Variants in CARS2 observed in about 807,000 individuals in gnomAD.
CARS2 encodes probable cysteine--tRNA ligase, mitochondrial.
CARS2 carries 52 observed loss-of-function variants against 68.8 expected under a neutral mutation model. The ratio of observed to expected loss-of-function variants is 0.76; its 90% confidence interval spans 0.61 to 0.95. The LOEUF (loss-of-function observed/expected upper bound fraction) is 0.95. Ranked by LOEUF, CARS2 falls within the 40% of genes least tolerant of loss-of-function variation. CARS2 has a pLI of 0.00. For synonymous variants in CARS2, 314 were observed against 303.6 expected, an observed-to-expected ratio of 1.03 and a Z score of -0.36; for missense variants, 780 against 754.2, an observed-to-expected ratio of 1.03 and a Z score of -0.40.
At chr13:110,689,393 G>T (rs541620449) in intron 3 of CARS2, among the ~76,000 whole-genome samples, 1 of 152,182 alleles carries the variant, frequency 6.6e-6, no homozygotes, top group Non-Finnish European at 1.5e-5. Context: ...TTTCTCAAGC[G>T]CAACGCCACA....
At chr13:110,682,862 C>G (rs766387485) in intron 6 of CARS2, among the ~76,000 whole-genome samples, 189 bp downstream of exon 6, 48 of 152,142 alleles carry the variant, frequency 3.2e-4, no homozygotes, top group Non-Finnish European at 5.9e-4. Flanking sequence ...CCCCACTTGC[C>G]GTTTGAACTA....
upstream of CARS2, among the ~76,000 whole-genome samples, chr13:110,709,790 C>T (rs953126709): frequency 2.0e-5 from 3 of 151,958 alleles, no homozygotes; most frequent in South Asian, 2.1e-4. Flanking sequence ...AGAACCCTGA[C>T]TAATACACCA....
upstream of CARS2, among the ~76,000 whole-genome samples, chr13:110,710,305 C>G (rs193235737): frequency 7.5e-3 from 1,138 of 152,232 alleles, 9 homozygotes; most frequent in African/African-American, 0.026. Flanking sequence ...TCGCTTGAAC[C>G]CGGGAGGCGG....
intron 5 of CARS2, 89 bp downstream of exon 5, chr13:110,687,632 T>A: frequency 1.3e-6 from 1 of 765,704 alleles, no homozygotes; most frequent in Non-Finnish European, 2.1e-6. Flanking sequence ...TGAGCTGAGA[T>A]AGCACCACTG....
intron 3 of CARS2, among the ~76,000 whole-genome samples, chr13:110,689,343 T>A (rs1392651467): frequency 6.6e-6 from 1 of 152,172 alleles, no homozygotes; most frequent in African/African-American, 2.4e-5. Context: ...TCTCCCCATT[T>A]CACAGGTGAA....
chr13:110,712,820 G>T (rs780232801), intron 1 of CARS2: 1 of 862,286 alleles, frequency 1.2e-6, no homozygotes, highest in Middle Eastern at 2.1e-4. Context: ...CCTCTTCTGG[G>T]GCTCGGCACT....
chr13:110,642,537 C>T lies in CARS2; in HGVS notation c.1417-16G>A, dbSNP rs375781277. 6.0e-5 allele frequency: 97 copies of T among 1,607,962 alleles called. No homozygotes were observed. Among genetic ancestry groups the T allele is most frequent in the Non-Finnish European group, 7.2e-5 (85 of 1,177,344 alleles). On this transcript the variant is annotated splice_polypyrimidine_tract_variant and intron_variant, in intron 13 of 14. Transcript: ENST00000257347. ...CTGAAACGTACTGAAGCCAGCAGGGCGCGGTTACGTCCCCCGGAGACTGTG... is the reference window on the plus strand; with the variant it reads ...CTGAAACGTACTGAAGCCAGCAGGGTGCGGTTACGTCCCCCGGAGACTGTG...
rs190122861 is a variant in CARS2, at chr13:110,668,211, G to T, written c.786-738C>A. ...GGAGGTCTCGAGCCTGGGGAAACAG[G>T]CATCACAGAAACACACGCTGTAGTG... On this transcript the variant is annotated intron_variant, in intron 7 of 14. Coordinates refer to ENST00000257347, the MANE Select transcript of CARS2 (RefSeq NM_024537.4). This position sits in a 1 kb window ranked among gnomAD's most constrained non-coding sequence, Gnocchi z 4.1. Among the ~76,000 whole-genome samples the T allele has an allele frequency of 6.6e-6, 1 of 152,216 alleles. No individual in the cohort carries two copies. Among genetic ancestry groups the T allele is most frequent in the South Asian group, 2.1e-4 (1 of 4,836 alleles).
chr13:110,652,658 T>G (rs1262539903), intron 9 of CARS2, among the ~76,000 whole-genome samples: 1 of 152,138 alleles, frequency 6.6e-6, no homozygotes, highest in African/African-American at 2.4e-5. Context: ...ACAGCCCAAC[T>G]CCTGTCTGCC....
chr13:110,667,164 G>A (rs1257634197), intron 8 of CARS2, among the ~76,000 whole-genome samples, 176 bp downstream of exon 8: 1 of 152,158 alleles, frequency 6.6e-6, no homozygotes, highest in African/African-American at 2.4e-5. Flanking sequence ...AATCATTGCT[G>A]CAATCCAAGG....
At chr13:110,701,327 G>A in intron 3 of CARS2, 111 bp downstream of exon 3, 1 of 649,860 alleles carries the variant, frequency 1.5e-6, no homozygotes, top group Non-Finnish European at 2.8e-6. Flanking sequence ...GCCTCCCAAA[G>A]TGCTGGGATT....
intron 13 of CARS2, 155 bp from the exon 14 acceptor site, chr13:110,642,676 G>C (rs1887541280): frequency 1.2e-6 from 1 of 801,830 alleles, no homozygotes; most frequent in Non-Finnish European, 2.2e-6. Context: ...GGCAGGGATG[G>C]GTACAGCCCG....
At position 110,642,439 on chromosome 13, in the gene CARS2, A is replaced by C; in HGVS notation, c.1499T>G (p.Phe500Cys). The C allele has an allele frequency of 6.2e-7, 1 of 1,607,008 alleles. No homozygotes were observed. Among genetic ancestry groups the C allele is most frequent in the Non-Finnish European group, 8.5e-7 (1 of 1,177,226 alleles). ...LVRFRQKVRQ[F>C]ALAMPEATGD... ...CGTGGCCTCGGGCATGGCCAGCGCAAACTGCCGGACCTTCTGCCGGAACCG... is the reference window on the plus strand; with the variant it reads ...CGTGGCCTCGGGCATGGCCAGCGCACACTGCCGGACCTTCTGCCGGAACCG... Residue 500 changes from phenylalanine (F) to cysteine (C), a missense_variant, in exon 14 of 15, where the codon TTT becomes TGT. By Grantham distance (205) the Phe-to-Cys change is radical. Transcript: ENST00000257347.
Position 110,642,540 on chromosome 13 carries a change from G to A in CARS2, c.1417-19C>T, listed in dbSNP as rs371859424. On this transcript the variant is annotated intron_variant, in intron 13 of 14. Coordinates refer to ENST00000257347, the MANE Select transcript of CARS2 (RefSeq NM_024537.4). ...AAACGTACTGAAGCCAGCAGGGCGC[G>A]GTTACGTCCCCCGGAGACTGTGGAT... is the stretch of plus-strand genomic sequence containing the variant. The A allele has an allele frequency of 3.3e-5, 53 of 1,606,794 alleles. No homozygotes were observed. The highest frequency in any genetic ancestry group is 4.4e-5 in the South Asian group (4 of 90,100).
intron 10 of CARS2, 89 bp from the exon 11 acceptor site, chr13:110,647,328 T>C: frequency 6.7e-7 from 1 of 1,491,956 alleles, no homozygotes; most frequent in African/African-American, 1.4e-5. Context: ...CTGAGGGCAC[T>C]GCCACCCAGG....
rs896154385 is a variant in CARS2, at chr13:110,713,320, C to G, written n.216G>C. 5.2e-6 allele frequency: 6 copies of G among 1,154,078 alleles called. No individual in the cohort carries two copies. In the African/African-American group the frequency reaches 6.4e-5, roughly 12 times the overall value. The allele number at this position is 1,154,078 out of a possible 1,614,324, so 71.5% of individuals were successfully genotyped here. A position where few individuals can be genotyped will look rare whatever the true frequency, so the allele number is the denominator to read the frequency against. ...CTGTGTACCATGGTCTCGGAGGTTT[C>G]TGTCCCGCGGCCCGTTAGGTCCTGG... is the stretch of plus-strand genomic sequence containing the variant. On this transcript the variant is annotated non_coding_transcript_exon_variant, in exon 1 of 3. Coordinates refer to the CARS2 transcript ENST00000485188.
chr13:110,682,625 T>C (rs2063188612), intron 6 of CARS2, among the ~76,000 whole-genome samples: 1 of 152,202 alleles, frequency 6.6e-6, no homozygotes, highest in Admixed American at 6.5e-5. Flanking sequence ...AATAACTCCC[T>C]GGAACAGAAT....
chr13:110,646,057 G>A lies in CARS2; in HGVS notation c.1227C>T (p.Ala409=), dbSNP rs776257494. The A allele has an allele frequency of 1.2e-6, 2 of 1,613,400 alleles. No individual in the cohort carries two copies. Among genetic ancestry groups the A allele is most frequent in the Non-Finnish European group, 1.7e-6 (2 of 1,179,784 alleles). ...LSSTKRAVKA[A]LADDFDTPRV... is the part of the protein sequence containing the mutation. ...TGGGTGTGTCAAAATCATCTGCCAA[G>A]GCCGCCTTCACGGCCCTCTTGGTGC... Residue 409 remains alanine, a synonymous_variant, in exon 12 of 15, where the codon GCC becomes GCT. Transcript: ENST00000257347.
upstream of CARS2, among the ~76,000 whole-genome samples, chr13:110,710,056 A>G (rs1419527699): frequency 6.6e-6 from 1 of 152,164 alleles, no homozygotes; most frequent in African/African-American, 2.4e-5. Flanking sequence ...ATGAGTTTGC[A>G]TTTATTTTTT....
Sources: gnomAD v4.1 joint callset for allele counts (sites outside exome capture counted in the v4.1 genomes callset) on GRCh38, gnomAD v4.1.1 for gene constraint, Gnocchi (gnomAD v3.1) non-coding constraint, MANE v1.5 for transcripts, NCBI Gene and HGNC (gene_info 2026-07-23, HGNC 2026-07-21) for gene names.